The following NSD3 variants were observed in gnomAD, a reference collection of about 807,000 sequenced individuals.
NSD3 encodes the protein histone-lysine N-methyltransferase NSD3.
A neutral mutation model predicts 160.8 loss-of-function variants in NSD3; 24 were observed. The ratio of observed to expected loss-of-function variants is 0.15; its 90% CI spans 0.11 to 0.21. The LOEUF (loss-of-function observed/expected upper bound fraction) is 0.21, where lower values mean the gene tolerates loss of function less well. Ranked by LOEUF, NSD3 falls within the 10% of genes least tolerant of loss-of-function variation. NSD3 has a pLI of 1.00. For missense variants in NSD3, 1,157 were observed against 1,735.9 expected (o/e 0.67, Z 5.93); for synonymous variants, 520 against 600.0 (o/e 0.87, Z 1.95).
At chr8:38,332,287 T>C (rs904955408) in intron 4 of NSD3, among the ~76,000 whole-genome samples, 52 of 152,006 alleles carry the variant, frequency 3.4e-4, no homozygotes, top group Admixed American at 2.8e-3. Flanking sequence ...ATTTTGAAAT[T>C]TTCTCAGCTT....
rs574982981 is a variant in NSD3, at chr8:38,314,558, G to C, written c.2242+89C>G. The C allele has an allele frequency of 3.2e-6, 5 of 1,543,966 alleles. No individual in the cohort carries two copies. The African/African-American group carries it at 5.4e-5, about 17-fold the overall frequency. ...GGAGGAGGGCTAATAAAAGTGATGG[G>C]AACAAGATGTCCTAGGAGAGGTTGT... On this transcript the variant is annotated intron_variant, in intron 12 of 23. Coordinates refer to ENST00000317025, the MANE Select transcript of NSD3 (RefSeq NM_023034.2).
At chr8:38,325,119 C>G (rs576838942) in intron 7 of NSD3, among the ~76,000 whole-genome samples, 1 of 152,320 alleles carries the variant, frequency 6.6e-6, no homozygotes, top group Non-Finnish European at 1.5e-5. Context: ...CAATTTATAG[C>G]TGGTCAGTCA....
rs1809433433 is a variant in NSD3 at position 38,307,336 on chromosome 8, C to T, written c.2243-1891G>A. On this transcript the variant is annotated intron_variant, in intron 12 of 23. Transcript: ENST00000317025. ...AGTAATTGGGACTACAGTGATAATACCAATTATTGATAAGGGTGTAGGGGG... is the reference window on the plus strand; with the variant it reads ...AGTAATTGGGACTACAGTGATAATATCAATTATTGATAAGGGTGTAGGGGG... Among the ~76,000 whole-genome samples, 3 of 151,890 alleles carry T rather than the reference C, an allele frequency of 2.0e-5. No homozygotes were observed. The South Asian group carries it at 6.2e-4, about 32-fold the overall frequency.
chr8:38,344,853 A>T (rs1810473997), intron 2 of NSD3, among the ~76,000 whole-genome samples: 2 of 152,130 alleles, frequency 1.3e-5, no homozygotes, highest in Admixed American at 1.3e-4. Context: ...ACAATGCTAA[A>T]CACCAAGGGC....
intron 22 of NSD3, 143 bp from the exon 23 acceptor site, chr8:38,276,643 C>T: frequency 1.3e-6 from 1 of 773,256 alleles, no homozygotes; most frequent in Admixed American, 2.9e-5. Flanking sequence ...TATGCTGCAA[C>T]AAATACTATA....
chr8:38,298,532 G>A lies in NSD3; in HGVS notation c.2758+912C>T, dbSNP rs987054702. On this transcript the variant is annotated intron_variant, in intron 15 of 23. Coordinates refer to ENST00000317025, the MANE Select transcript of NSD3 (RefSeq NM_023034.2). ...AAAGCCCATTTCAAATACACCTACT[G>A]TGTGTGTGTGTGTGTGTGTGTGTGT... Among the ~76,000 whole-genome samples, 32 of 145,640 alleles carry A rather than the reference G, an allele frequency of 2.2e-4. No homozygotes were observed. In the Admixed American group the frequency reaches 2.2e-3, roughly 10 times the overall value.
intron 1 of NSD3, among the ~76,000 whole-genome samples, chr8:38,379,193 C>T (rs984427935): frequency 3.3e-5 from 5 of 151,972 alleles, no homozygotes; most frequent in African/African-American, 9.7e-5. Flanking sequence ...GAGTAGGCTT[C>T]TTCGTATATG....
intron 14 of NSD3, chr8:38,303,428 G>C (rs1227757153): frequency 1.4e-5 from 14 of 983,786 alleles, no homozygotes; most frequent in Non-Finnish European, 1.7e-5. Context: ...AGTACTTCCT[G>C]CTCCAAAGGC....
In NSD3 at chr8:38,330,756, A is replaced by G. The variant is rs115020125; in HGVS notation, c.1065+675T>C. Among the ~76,000 whole-genome samples, 503 of 152,370 alleles carry G rather than the reference A, an allele frequency of 3.3e-3. 3 individuals are homozygous for G. Among genetic ancestry groups the G allele is most frequent in the African/African-American group, 0.011 (471 of 41,592 alleles). On this transcript the variant is annotated intron_variant, in intron 5 of 23. Coordinates refer to ENST00000317025, the MANE Select transcript of NSD3 (RefSeq NM_023034.2). ...AATTTCTGAATCATAAGAGACCCAC[A>G]CTAATTTAGTTGAGTTTAAACTCTT...
intron 1 of NSD3, among the ~76,000 whole-genome samples, chr8:38,349,737 C>G (rs1208961572): frequency 7.0e-6 from 1 of 143,040 alleles, no homozygotes; most frequent in Non-Finnish European, 1.5e-5. Context: ...GCACAATGTG[C>G]AGGTTTGTTA....
intron 2 of NSD3, among the ~76,000 whole-genome samples, chr8:38,346,916 T>C (rs1810552208): frequency 6.6e-6 from 1 of 152,168 alleles, no homozygotes; most frequent in African/African-American, 2.4e-5. Flanking sequence ...ACTTATTATA[T>C]TATTGCTAAG....
chr8:38,336,626 C>A (rs879341194), intron 4 of NSD3, among the ~76,000 whole-genome samples: 1 of 152,030 alleles, frequency 6.6e-6, no homozygotes, highest in African/African-American at 2.4e-5. Flanking sequence ...GAAGGCTTGG[C>A]GCAAATGCTT....
At chr8:38,296,714 G>A (rs1373820365) in intron 15 of NSD3, among the ~76,000 whole-genome samples, 7 of 131,784 alleles carry the variant, frequency 5.3e-5, no homozygotes, top group African/African-American at 2.0e-4. Context: ...GTGTGTGTGT[G>A]TATGTGTGTG....
intron 19 of NSD3, among the ~76,000 whole-genome samples, chr8:38,285,196 G>T (rs1489023298): frequency 6.6e-6 from 1 of 151,896 alleles, no homozygotes; most frequent in African/African-American, 2.4e-5. Context: ...CAGCAAAAAG[G>T]CTGTCACTCA....
At chr8:38,300,446 G>T (rs1300738069) in intron 14 of NSD3, among the ~76,000 whole-genome samples, 1 of 152,146 alleles carries the variant, frequency 6.6e-6, no homozygotes, top group Non-Finnish European at 1.5e-5. Context: ...GGGATTACAG[G>T]CATGAGCCAC....
chr8:38,281,328 GGCA>G, intron 20 of NSD3, 136 bp downstream of exon 20: 1 of 410,478 alleles, frequency 2.4e-6, no homozygotes, highest in Non-Finnish European at 4.3e-6. Flanking sequence ...CATTATAGTA[GGCA>G]GCACACTAGC....
chr8:38,340,589 T>C (rs1275320009), intron 2 of NSD3, among the ~76,000 whole-genome samples: 1 of 152,146 alleles, frequency 6.6e-6, no homozygotes, highest in Non-Finnish European at 1.5e-5. Context: ...CCACTTGCCT[T>C]GGCCTCCCAA....
intron 1 of NSD3, among the ~76,000 whole-genome samples, chr8:38,366,183 A>G (rs1397691830): frequency 6.6e-6 from 1 of 151,878 alleles, no homozygotes; most frequent in Non-Finnish European, 1.5e-5. Context: ...GTTGGTCGGC[A>G]ATCTATAGTC....
At chr8:38,308,431 T>G (rs1809457041) in intron 12 of NSD3, among the ~76,000 whole-genome samples, 1 of 151,988 alleles carries the variant, frequency 6.6e-6, no homozygotes, top group South Asian at 2.1e-4. Context: ...AAAATAACTT[T>G]TAAAAGTTTT....
Sources: allele counts gnomAD v4.1 joint callset (sites outside exome capture counted in the v4.1 genomes callset), GRCh38; gene constraint gnomAD v4.1.1; transcripts MANE v1.5; gene names NCBI Gene and HGNC (gene_info 2026-07-23, HGNC 2026-07-21).